The following GABRA3 variants were observed in gnomAD, a reference collection of about 807,000 sequenced individuals.
The protein encoded by GABRA3 is gamma-aminobutyric acid receptor subunit alpha-3.
Under a neutral mutation model 30.1 loss-of-function variants are expected in GABRA3, and 10 were observed. The observed-to-expected ratio is 0.33, with a 90% CI of 0.20 to 0.56. GABRA3 has a LOEUF of 0.56. Ranked by LOEUF, GABRA3 falls within the 20% of genes least tolerant of loss-of-function variation. The pLI, the probability that GABRA3 is intolerant of heterozygous loss-of-function variation, is 0.89. For synonymous variants in GABRA3, 151 were observed against 146.8 expected, an observed-to-expected ratio of 1.03 and a Z score of -0.21; for missense variants, 233 against 392.0, an observed-to-expected ratio of 0.59 and a Z score of 3.42.
chrX:152,386,784 A>T (rs1402755730), intron 1 of GABRA3, among the ~76,000 whole-genome samples: 1 of 110,951 alleles, frequency 9.0e-6, no homozygotes, highest in Non-Finnish European at 1.9e-5. Flanking sequence ...TGACCCAGCC[A>T]TCCCATTACT....
In GABRA3 at chrX:152,345,554, G is replaced by C. The variant is rs761973416; in HGVS notation, c.262+27C>G. On this transcript the variant is annotated intron_variant, in intron 3 of 9. Coordinates refer to ENST00000370314, the MANE Select transcript of GABRA3 (RefSeq NM_000808.4). ...ATGGCCAAGAAGAAGATCTGAAAAGGACTTCAAAGATCTTAAAAGGACTGA... is the reference window on the plus strand; with the variant it reads ...ATGGCCAAGAAGAAGATCTGAAAAGCACTTCAAAGATCTTAAAAGGACTGA... 3 of 1,185,675 alleles carry C rather than the reference G, an allele frequency of 2.5e-6. No individual in the cohort carries two copies. The African/African-American group carries it at 5.4e-5, about 21-fold the overall frequency.
chrX:152,240,404 C>T (rs1938335256), intron 5 of GABRA3, among the ~76,000 whole-genome samples: 1 of 90,155 alleles, frequency 1.1e-5, no homozygotes, highest in Non-Finnish European at 2.1e-5. Flanking sequence ...GTAACCCGAC[C>T]TTTCTCTCTG....
At chrX:152,184,968 T>C (rs951722178) in intron 9 of GABRA3, among the ~76,000 whole-genome samples, 1 of 111,664 alleles carries the variant, frequency 9.0e-6, no homozygotes, top group Non-Finnish European at 1.9e-5. Flanking sequence ...TAATGTTTCC[T>C]CTCACATTTT....
chrX:152,367,209 C>T (rs1249111190), intron 1 of GABRA3, among the ~76,000 whole-genome samples: 1 of 110,636 alleles, frequency 9.0e-6, no homozygotes, highest in East Asian at 2.9e-4. Context: ...ATAGTGTATG[C>T]TTATATAAGT....
At chrX:152,432,339 G>A (rs1930668056) in intron 1 of GABRA3, among the ~76,000 whole-genome samples, 2 of 111,660 alleles carry the variant, frequency 1.8e-5, no homozygotes, top group South Asian at 3.7e-4. Context: ...GCAGGGATCT[G>A]CTGTTGTTTT....
chrX:152,325,857 C>A (rs1480089324), intron 3 of GABRA3, among the ~76,000 whole-genome samples: 3 of 111,628 alleles, frequency 2.7e-5, no homozygotes, highest in Non-Finnish European at 5.6e-5. Context: ...ATGACTTTGA[C>A]GAGTTGAGAG....
intron 7 of GABRA3, among the ~76,000 whole-genome samples, chrX:152,199,268 A>G (rs1286326370): frequency 9.5e-6 from 1 of 105,389 alleles, no homozygotes; most frequent in African/African-American, 3.3e-5. Context: ...AGGGAGGCTG[A>G]GGCAGGAGAA....
At chrX:152,226,102 C>T (rs1937947901) in intron 5 of GABRA3, among the ~76,000 whole-genome samples, 1 of 111,685 alleles carries the variant, frequency 9.0e-6, no homozygotes, top group Admixed American at 9.5e-5. Flanking sequence ...TAAAGAAGTG[C>T]ATGCAAGGGA....
intron 1 of GABRA3, among the ~76,000 whole-genome samples, chrX:152,378,781 T>C (rs1424293297): frequency 9.0e-6 from 1 of 111,453 alleles, no homozygotes; most frequent in Non-Finnish European, 1.9e-5. Flanking sequence ...ATGAGTCATA[T>C]CTAACACATA....
chrX:152,444,771 T>G (rs1335143858), intron 1 of GABRA3, among the ~76,000 whole-genome samples: 5 of 94,948 alleles, frequency 5.3e-5, no homozygotes, highest in African/African-American at 1.1e-4. Flanking sequence ...TGTTTGTTTG[T>G]TTTTTTTTGG....
At chrX:152,177,652 C>A (rs1331006156) in intron 9 of GABRA3, among the ~76,000 whole-genome samples, 1 of 111,193 alleles carries the variant, frequency 9.0e-6, no homozygotes, top group Non-Finnish European at 1.9e-5. Flanking sequence ...GAAACCTTCA[C>A]GTAGTGCTGG....
chrX:152,197,549 A>G, intron 8 of GABRA3, 84 bp downstream of exon 8: 2 of 911,720 alleles, frequency 2.2e-6, no homozygotes, highest in Non-Finnish European at 3.0e-6. Flanking sequence ...CATTCTCTCC[A>G]GGAGCCATTC....
At chrX:152,328,315 TAGA>T (rs1390932723) in intron 3 of GABRA3, among the ~76,000 whole-genome samples, 2 of 111,555 alleles carry the variant, frequency 1.8e-5, no homozygotes, top group Non-Finnish European at 3.8e-5. Flanking sequence ...TTCCAATCAA[TAGA>T]AGAAGGGGGA....
intron 5 of GABRA3, among the ~76,000 whole-genome samples, chrX:152,239,318 T>G (rs1041484150): frequency 3.7e-5 from 4 of 108,261 alleles, no homozygotes; most frequent in African/African-American, 1.0e-4. Context: ...GTGAGATTCT[T>G]AATACTGAGT....
chrX:152,372,863 T>C (rs1263859344), intron 1 of GABRA3, among the ~76,000 whole-genome samples: 2 of 112,201 alleles, frequency 1.8e-5, no homozygotes, highest in Non-Finnish European at 3.8e-5. Flanking sequence ...AACTTTCCCC[T>C]GAAGTGTGAC....
At chrX:152,440,440 C>A (rs1339290868) in intron 1 of GABRA3, among the ~76,000 whole-genome samples, 3 of 112,203 alleles carry the variant, frequency 2.7e-5, no homozygotes, top group African/African-American at 9.7e-5. Context: ...ATTACTTCAA[C>A]CATTGTGGAA....
chrX:152,387,063 C>T (rs1233499233), intron 1 of GABRA3, among the ~76,000 whole-genome samples: 2 of 105,367 alleles, frequency 1.9e-5, no homozygotes, highest in Non-Finnish European at 3.9e-5. Flanking sequence ...AATCAAACAC[C>T]GCATATTCTC....
At chrX:152,272,866 G>A (rs1938972046) in intron 4 of GABRA3, among the ~76,000 whole-genome samples, 1 of 111,102 alleles carries the variant, frequency 9.0e-6, no homozygotes, top group Non-Finnish European at 1.9e-5. Flanking sequence ...TGCTGTCCCT[G>A]CAACCATGTG....
chrX:152,415,634 T>C (rs1569420873), intron 1 of GABRA3, among the ~76,000 whole-genome samples: 1 of 111,100 alleles, frequency 9.0e-6, no homozygotes, highest in Non-Finnish European at 1.9e-5. Flanking sequence ...CATTCCTTTA[T>C]TGTTGCAATA....
Sources: gnomAD v4.1 joint callset for allele counts (sites outside exome capture counted in the v4.1 genomes callset) on GRCh38, gnomAD v4.1.1 for gene constraint, MANE v1.5 for transcripts, NCBI Gene and HGNC (gene_info 2026-07-23, HGNC 2026-07-21) for gene names.